Variants in PLCD3 observed in about 807,000 individuals in gnomAD.
PLCD3 encodes 1-phosphatidylinositol 4,5-bisphosphate phosphodiesterase delta-3.
Under a neutral mutation model 82.8 loss-of-function variants are expected in PLCD3, and 62 were observed. The ratio of observed to expected loss-of-function variants is 0.75; its 90% CI spans 0.61 to 0.93. The LOEUF is 0.93. PLCD3 is among the 40% of genes least tolerant of loss of function. PLCD3 has a pLI of 0.00. For missense variants in PLCD3, 1,023 were observed against 1,103.4 expected (o/e 0.93, Z 1.03); for synonymous variants, 478 against 471.8 (o/e 1.01, Z -0.17).
At chr17:45,113,754 G>A in intron 11 of PLCD3, 149 bp from the exon 12 acceptor site, 2 of 1,034,242 alleles carry the variant, frequency 1.9e-6, no homozygotes, top group South Asian at 1.7e-5. Context: ...TTAGGGGAGG[G>A]GGTCATGGAC....
At chr17:45,119,602 G>T (rs1033539950) in intron 4 of PLCD3, among the ~76,000 whole-genome samples, 1 of 152,236 alleles carries the variant, frequency 6.6e-6, no homozygotes. Flanking sequence ...ACCTACCCCA[G>T]GAATCAAGAT....
Position 45,116,621 on chromosome 17 carries a change from G to A in PLCD3, c.1413+11C>T. On this transcript the variant is annotated intron_variant, in intron 8 of 14. Transcript: ENST00000619929. ...CTCCCTCCACCCAGGCTAGGGGCTG[G>A]GGGGCGTCACCTCTGGGGATGGCAG... 6.4e-7 allele frequency: 1 copy of A among 1,566,242 alleles called. No homozygotes were observed. Among genetic ancestry groups the A allele is most frequent in the Non-Finnish European group, 8.7e-7 (1 of 1,153,928 alleles).
chr17:45,132,186 C>T lies in PLCD3; in HGVS notation c.163+62G>A. 1 of 1,231,860 alleles carries T rather than the reference C, an allele frequency of 8.1e-7. No individual in the cohort carries two copies. The highest frequency in any genetic ancestry group is 1.0e-6 in the Non-Finnish European group (1 of 986,000). The allele number at this position is 1,231,860 out of a possible 1,614,324, so 76.3% of individuals were successfully genotyped here. A position where few individuals can be genotyped will look rare whatever the true frequency, so the allele number is the denominator to read the frequency against. On this transcript the variant is annotated intron_variant, in intron 1 of 14. Coordinates refer to ENST00000619929, the MANE Select transcript of PLCD3 (RefSeq NM_133373.5). This position sits in a 1 kb window ranked among gnomAD's most constrained non-coding sequence, Gnocchi z 4.6. ...AATCCACGAACTGCTCCCTGGAGCG[C>T]CCCAGACTGGGCCTCTGGGAACGGT...
rs993807883 is a variant in PLCD3, at chr17:45,109,730, T to A, written c.*2886A>T. On this transcript the variant is annotated 3_prime_UTR_variant, in exon 15 of 15. Coordinates refer to ENST00000619929, the MANE Select transcript of PLCD3 (RefSeq NM_133373.5). ...TTTTTTCCTGCCCTTAGCTTTGGGC[T>A]GAGAGAACATAGCCCTATGTGTTGT... 15 of 152,336 alleles carry A rather than the reference T, an allele frequency of 9.8e-5. No individual in the cohort carries two copies. Among genetic ancestry groups the A allele is most frequent in the Admixed American group, 3.3e-4 (5 of 15,286 alleles). The allele number at this position is 152,336 out of a possible 1,614,324, so 9.4% of individuals were successfully genotyped here.
intron 1 of PLCD3, among the ~76,000 whole-genome samples, chr17:45,126,866 C>T (rs959111672): frequency 6.6e-6 from 1 of 151,518 alleles, no homozygotes; most frequent in African/African-American, 2.4e-5. Context: ...CACTATGATG[C>T]CCAGGCTGGT....
Position 45,115,193 on chromosome 17 carries a change from T to C in PLCD3, c.1612A>G (p.Thr538Ala). The change falls in exon 10 of 15, where the codon ACC becomes GCC. Residue 538 changes from threonine (T) to alanine (A), a missense_variant. Physicochemically the swap from Thr to Ala is moderately conservative, Grantham distance 58. This residue lies in a region of PLCD3 where 553 missense variants were observed against 655.7 expected (regional missense o/e 0.84). Transcript: ENST00000619929. ...LSALAVYCHATRLRTLHPAPN... is the reference protein window; with the variant it reads ...LSALAVYCHAARLRTLHPAPN... ...GCAGGGTGCAGGGTCCGCAGGCGGG[T>C]GGCGTGGCAGTACACAGCCAGGGCC... 1.9e-6 allele frequency: 3 copies of C among 1,580,170 alleles called. No individual in the cohort carries two copies. Among genetic ancestry groups the C allele is most frequent in the Non-Finnish European group, 2.6e-6 (3 of 1,162,716 alleles).
intron 1 of PLCD3, among the ~76,000 whole-genome samples, chr17:45,124,135 C>T (rs1475875614): frequency 6.6e-6 from 1 of 152,232 alleles, no homozygotes; most frequent in Non-Finnish European, 1.5e-5. Flanking sequence ...GCTGGGGCTG[C>T]CTCCCCTACC....
At chr17:45,128,556 C>T (rs1451946131) in intron 1 of PLCD3, among the ~76,000 whole-genome samples, 2 of 152,326 alleles carry the variant, frequency 1.3e-5, no homozygotes, top group South Asian at 2.1e-4. Flanking sequence ...GGCCATGGGC[C>T]GAGCCCTCTC....
At chr17:45,115,723 C>T in intron 8 of PLCD3, 1 of 533,240 alleles carries the variant, frequency 1.9e-6, no homozygotes, top group Non-Finnish European at 3.4e-6. Flanking sequence ...ACAGCAGCCA[C>T]TACAATGCAC....
chr17:45,113,164 C>T lies in PLCD3; in HGVS notation c.2089G>A (p.Ala697Thr), dbSNP rs377130884. Residue 697 changes from alanine (A) to threonine (T), a missense_variant, in exon 13 of 15, where the codon GCA becomes ACA. Physicochemically the swap from Ala to Thr is moderately conservative, Grantham distance 58 (BLOSUM62 0). Coordinates refer to ENST00000619929, the MANE Select transcript of PLCD3 (RefSeq NM_133373.5). The stretch of plus-strand genomic sequence containing the variant: ...TCAGTCTCCTGCCGGGCACAGTCTG[C>T]GGGCACCCCATGGATCTCAATGCGC... ...LVRIEIHGVPADCARQETDYV... is the reference protein window; with the variant it reads ...LVRIEIHGVPTDCARQETDYV... 9 of 1,612,776 alleles carry T rather than the reference C, an allele frequency of 5.6e-6. No homozygotes were observed. Among genetic ancestry groups the T allele is most frequent in the African/African-American group, 5.3e-5 (4 of 74,902 alleles).
intron 1 of PLCD3, among the ~76,000 whole-genome samples, chr17:45,124,635 C>A (rs114974200): frequency 3.2e-4 from 49 of 152,356 alleles, no homozygotes; most frequent in African/African-American, 1.1e-3. Flanking sequence ...AGCGATGCTG[C>A]GAGGACCGTG....
At chr17:45,126,672 T>C (rs914100960) in intron 1 of PLCD3, among the ~76,000 whole-genome samples, 26 of 151,948 alleles carry the variant, frequency 1.7e-4, no homozygotes, top group Non-Finnish European at 3.4e-4. Flanking sequence ...TTTTTTTTTT[T>C]CTGAGACAGG....
Position 45,118,638 on chromosome 17 carries a change from G to C in PLCD3, c.914-146C>G. 1 of 1,150,268 alleles carries C rather than the reference G, an allele frequency of 8.7e-7. No individual in the cohort carries two copies. The highest frequency in any genetic ancestry group is 1.2e-6 in the Non-Finnish European group (1 of 816,686). The allele number at this position is 1,150,268 out of a possible 1,614,324, so 71.3% of individuals were successfully genotyped here. ...ATGTAAGTCATGCCACTTAACCTTC[G>C]ACCAGACCCTGGGAGGAAGACAAAC... On this transcript the variant is annotated intron_variant, in intron 5 of 14. Transcript: ENST00000619929. The surrounding 1 kb of genome is among the most constrained non-coding windows in gnomAD (Gnocchi z 4.1).
At position 45,120,311 on chromosome 17, in the gene PLCD3, G is replaced by C; in HGVS notation, c.684+14C>G. 1.2e-6 allele frequency: 2 copies of C among 1,613,874 alleles called. No homozygotes were observed. Among genetic ancestry groups the C allele is most frequent in the Non-Finnish European group, 8.5e-7 (1 of 1,179,802 alleles). On this transcript the variant is annotated intron_variant, in intron 4 of 14. Transcript: ENST00000619929. The stretch of plus-strand genomic sequence containing the variant: ...TGGCAGAGCCAGGGGCTGGGGTTCA[G>C]GGCGGAAGCCCACCTTGAAGAGGAG...
Position 45,118,719 on chromosome 17 carries a change from C to G in PLCD3, c.913+96G>C. 18 of 1,319,254 alleles carry G rather than the reference C, an allele frequency of 1.4e-5. No individual in the cohort carries two copies. Among genetic ancestry groups the G allele is most frequent in the Non-Finnish European group, 1.8e-5 (18 of 973,012 alleles). The allele number at this position is 1,319,254 out of a possible 1,614,324, so 81.7% of individuals were successfully genotyped here. On this transcript the variant is annotated intron_variant, in intron 5 of 14. Coordinates refer to ENST00000619929, the MANE Select transcript of PLCD3 (RefSeq NM_133373.5). The surrounding 1 kb of genome is among the most constrained non-coding windows in gnomAD (Gnocchi z 4.1). ...AGTCTGGAGGAGGTGAGGTAACCTG[C>G]CCGAGATGATGCCCGCGCCAGCCCG...
In PLCD3 at chr17:45,112,516, G is replaced by A; in HGVS notation, c.*100C>T. 6 of 1,309,524 alleles carry A rather than the reference G, an allele frequency of 4.6e-6. No homozygotes were observed. Among genetic ancestry groups the A allele is most frequent in the Non-Finnish European group, 6.4e-6 (6 of 935,342 alleles). The allele number at this position is 1,309,524 out of a possible 1,614,324, so 81.1% of individuals were successfully genotyped here. A position where few individuals can be genotyped will look rare whatever the true frequency, so the allele number is the denominator to read the frequency against. ...CTGAGTGGGCCAAGTGGGTGGGCTG[G>A]GGGGCTGGTACTCCCACCACCTGAC... On this transcript the variant is annotated 3_prime_UTR_variant, in exon 15 of 15. Transcript: ENST00000619929.
At chr17:45,114,941 A>G (rs1213360210) in intron 10 of PLCD3, among the ~76,000 whole-genome samples, 153 bp downstream of exon 10, 1 of 152,002 alleles carries the variant, frequency 6.6e-6, no homozygotes, top group East Asian at 1.9e-4. Context: ...CCACCCTGGC[A>G]TGTGCGGGGC....
chr17:45,113,377 TCACAA>T, intron 12 of PLCD3, 57 bp downstream of exon 12: 1 of 1,556,890 alleles, frequency 6.4e-7, no homozygotes, highest in Non-Finnish European at 8.7e-7. Flanking sequence ...TTCCTCCACC[TCACAA>T]AGAGCCTTTC....
intron 4 of PLCD3, among the ~76,000 whole-genome samples, chr17:45,119,820 G>C (rs1220950902): frequency 2.0e-5 from 3 of 151,832 alleles, no homozygotes; most frequent in Non-Finnish European, 4.4e-5. Flanking sequence ...TCACAGGTGG[G>C]TCCCACCATC....
Sources: gnomAD v4.1 joint callset for allele counts (sites outside exome capture counted in the v4.1 genomes callset) on GRCh38, gnomAD v4.1.1 for gene constraint, gnomAD v4.1.1 regional missense constraint, Gnocchi (gnomAD v3.1) non-coding constraint, MANE v1.5 for transcripts, NCBI Gene and HGNC (gene_info 2026-07-23, HGNC 2026-07-21) for gene names.